CYTH3: variants seen among roughly 807,000 people sequenced by gnomAD.
The protein encoded by CYTH3 is cytohesin 3.
CYTH3 carries 23 observed loss-of-function variants against 55.1 expected under a neutral mutation model. The ratio of observed to expected loss-of-function variants is 0.42; its 90% CI spans 0.30 to 0.59. CYTH3 has a LOEUF of 0.59. CYTH3 is among the 20% of genes least tolerant of loss of function. The probability of loss-of-function intolerance (pLI) is 0.20; values close to 1 mark genes in which losing one functional copy is unlikely to be tolerated. For missense variants in CYTH3, 413 were observed against 524.8 expected (o/e 0.79, Z 2.08); for synonymous variants, 249 against 194.9 (o/e 1.28, Z -2.31).
At chr7:6,246,418 A>T (rs1448242097) in intron 1 of CYTH3, among the ~76,000 whole-genome samples, 2 of 151,978 alleles carry the variant, frequency 1.3e-5, no homozygotes, top group African/African-American at 4.8e-5. Flanking sequence ...AATACCATAG[A>T]ATTTTTGCGT....
intron 1 of CYTH3, among the ~76,000 whole-genome samples, chr7:6,204,830 T>A (rs999951598): frequency 1.3e-5 from 2 of 152,194 alleles, no homozygotes; most frequent in Non-Finnish European, 2.9e-5. Flanking sequence ...AAGACCACAT[T>A]CTCTGAACAC....
intron 1 of CYTH3, among the ~76,000 whole-genome samples, chr7:6,262,287 G>A (rs1780372345): frequency 6.6e-6 from 1 of 152,184 alleles, no homozygotes; most frequent in South Asian, 2.1e-4. Flanking sequence ...AATCAATGAA[G>A]AGATAATGAA....
At chr7:6,165,181 T>TGCA in intron 12 of CYTH3, 92 bp downstream of exon 12, 1 of 1,559,256 alleles carries the variant, frequency 6.4e-7, no homozygotes, top group Admixed American at 1.9e-5. Flanking sequence ...GGTCCACTCT[T>TGCA]GCACACGGAA....
chr7:6,187,825 C>T, intron 2 of CYTH3, 104 bp from the exon 3 acceptor site: 1 of 913,722 alleles, frequency 1.1e-6, no homozygotes. Context: ...TGCGGTCTCA[C>T]CGGAGCATCA....
In CYTH3 at chr7:6,164,900, C is replaced by T; in HGVS notation, c.*44G>A. ...CGGAGGGGCCGCCCGCGGTGTCTTTCTGCTGGGGTTGGGTCTTTTACCTGG... is the reference window on the plus strand; with the variant it reads ...CGGAGGGGCCGCCCGCGGTGTCTTTTTGCTGGGGTTGGGTCTTTTACCTGG... On this transcript the variant is annotated 3_prime_UTR_variant, in exon 13 of 13. Transcript: ENST00000350796. The T allele has an allele frequency of 1.9e-6, 3 of 1,612,086 alleles. No individual in the cohort carries two copies. Among genetic ancestry groups the T allele is most frequent in the Admixed American group, 1.7e-5 (1 of 59,988 alleles).
At chr7:6,196,144 T>C (rs1181154185) in intron 1 of CYTH3, among the ~76,000 whole-genome samples, 1 of 152,152 alleles carries the variant, frequency 6.6e-6, no homozygotes, top group East Asian at 1.9e-4. Context: ...GAGAAGCCCA[T>C]AAAGTCTATG....
intron 2 of CYTH3, among the ~76,000 whole-genome samples, chr7:6,188,188 C>G (rs553281027): frequency 6.6e-6 from 1 of 152,098 alleles, no homozygotes; most frequent in Non-Finnish European, 1.5e-5. Flanking sequence ...GAAAAATTAG[C>G]TGAGTGTGGT....
chr7:6,245,101 G>T (rs916855875), intron 1 of CYTH3, among the ~76,000 whole-genome samples: 1 of 149,108 alleles, frequency 6.7e-6, no homozygotes, highest in Admixed American at 6.8e-5. Flanking sequence ...TTACAGGCAT[G>T]AGCCACCGCG....
intron 1 of CYTH3, among the ~76,000 whole-genome samples, chr7:6,216,127 A>C: frequency 6.6e-6 from 1 of 152,234 alleles, no homozygotes; most frequent in East Asian, 1.9e-4. Context: ...AACAGTAAAA[A>C]TATGTGTAAG....
chr7:6,264,063 A>G (rs1429941431), intron 1 of CYTH3, among the ~76,000 whole-genome samples: 3 of 152,190 alleles, frequency 2.0e-5, no homozygotes, highest in Admixed American at 2.0e-4. Flanking sequence ...CCTGGCCAAC[A>G]TGGTGAAACC....
At chr7:6,236,146 A>T (rs1779516724) in intron 1 of CYTH3, among the ~76,000 whole-genome samples, 1 of 152,214 alleles carries the variant, frequency 6.6e-6, no homozygotes, top group Admixed American at 6.5e-5. Flanking sequence ...TATCATGCAG[A>T]CACAGACAAG....
intron 1 of CYTH3, among the ~76,000 whole-genome samples, chr7:6,197,132 A>T (rs1021800797): frequency 6.6e-6 from 1 of 152,226 alleles, no homozygotes; most frequent in Admixed American, 6.5e-5. Context: ...AATCGGAATC[A>T]AAGGATTTCC....
At chr7:6,217,057 C>T (rs145952270) in intron 1 of CYTH3, among the ~76,000 whole-genome samples, 3,070 of 152,018 alleles carry the variant, frequency 0.02, 47 homozygotes, top group Middle Eastern at 0.061. Context: ...GGATTACAGG[C>T]GTGTGCCACC....
rs756715481 is a variant in CYTH3 at position 6,172,713 on chromosome 7, C to G, written c.449+940G>C. ...TCACAGCTGCAAGGGCCGCACCAGA[C>G]ACCCCTCCCAGACTCACCAGGCCTG... On this transcript the variant is annotated intron_variant, in intron 6 of 12. Transcript: ENST00000350796. 69 of 1,130,954 alleles carry G rather than the reference C, an allele frequency of 6.1e-5. No individual in the cohort carries two copies. The South Asian group carries it at 1.1e-3, about 17-fold the overall frequency. 70.1% of individuals were successfully genotyped at this position (1,130,954 alleles called of 1,614,324 possible).
At chr7:6,195,675 A>C (rs758061416) in intron 1 of CYTH3, among the ~76,000 whole-genome samples, 4 of 152,112 alleles carry the variant, frequency 2.6e-5, no homozygotes, top group Non-Finnish European at 5.9e-5. Context: ...TCAAGCAATG[A>C]ATGAGGAAGG....
At chr7:6,195,129 G>C (rs1236221857) in intron 1 of CYTH3, among the ~76,000 whole-genome samples, 2 of 152,116 alleles carry the variant, frequency 1.3e-5, no homozygotes, top group Non-Finnish European at 2.9e-5. Flanking sequence ...GATGGCAATG[G>C]TTATGCCTAA....
chr7:6,166,722 G>C (rs1002494510), intron 9 of CYTH3, among the ~76,000 whole-genome samples: 2 of 152,176 alleles, frequency 1.3e-5, no homozygotes, highest in Admixed American at 6.5e-5. Flanking sequence ...CTGGCTCAGC[G>C]GAACTGGAGG....
intron 1 of CYTH3, among the ~76,000 whole-genome samples, chr7:6,240,753 G>A (rs1019440306): frequency 5.3e-5 from 8 of 152,022 alleles, no homozygotes; most frequent in African/African-American, 1.4e-4. Context: ...AGATAACATC[G>A]GCAAATTCTT....
At chr7:6,177,230 A>G (rs1562880025) in intron 5 of CYTH3, among the ~76,000 whole-genome samples, 1 of 152,224 alleles carries the variant, frequency 6.6e-6, no homozygotes, top group African/African-American at 2.4e-5. Context: ...TTTTTTTAAA[A>G]AAGCTAAAAA....
Sources: gnomAD v4.1 joint callset for allele counts (sites outside exome capture counted in the v4.1 genomes callset) on GRCh38, gnomAD v4.1.1 for gene constraint, MANE v1.5 for transcripts, NCBI Gene and HGNC (gene_info 2026-07-23, HGNC 2026-07-21) for gene names.